The following ZBTB20 variants were observed in gnomAD, a reference collection of about 807,000 sequenced individuals.
The protein encoded by ZBTB20 is zinc finger and BTB domain containing 20.
ZBTB20 carries 9 observed loss-of-function variants against 56.9 expected under a neutral mutation model. The ratio of observed to expected loss-of-function variants is 0.16; its 90% CI spans 0.10 to 0.28. The LOEUF is 0.28. Ranked by LOEUF, ZBTB20 falls within the 10% of genes least tolerant of loss-of-function variation. The probability of loss-of-function intolerance (pLI) is 1.00; values close to 1 mark genes in which losing one functional copy is unlikely to be tolerated. For synonymous variants in ZBTB20, 417 were observed against 420.7 expected, an observed-to-expected ratio of 0.99 and a Z score of 0.11; for missense variants, 655 against 1,003.0, an observed-to-expected ratio of 0.65 and a Z score of 4.69.
Position 114,467,332 on chromosome 3 carries a change from G to A in ZBTB20, c.-255+33020C>T, listed in dbSNP as rs115298229. On this transcript the variant is annotated intron_variant, in intron 7 of 11. Transcript: ENST00000675478. ...TGTCCACAGATTTCAAGAATGCAGT[G>A]AGGAGAGAAAGACAGACAAACTTAC... Among the ~76,000 whole-genome samples, 1,062 of 152,284 alleles carry A rather than the reference G, an allele frequency of 7.0e-3. 15 individuals are homozygous for A. Among genetic ancestry groups the A allele is most frequent in the Middle Eastern group, 0.037 (11 of 294 alleles).
At chr3:115,009,363 T>C (rs563679328) in intron 2 of ZBTB20, among the ~76,000 whole-genome samples, 1 of 152,064 alleles carries the variant, frequency 6.6e-6, no homozygotes, top group East Asian at 2.0e-4. Flanking sequence ...AAAATTTTGC[T>C]TTAACAAAGC....
chr3:114,414,622 T>C (rs886672442), intron 7 of ZBTB20, among the ~76,000 whole-genome samples: 5 of 151,616 alleles, frequency 3.3e-5, no homozygotes, highest in Admixed American at 2.0e-4. Flanking sequence ...CCTTGAAATA[T>C]AATACAAAAT....
intron 5 of ZBTB20, among the ~76,000 whole-genome samples, chr3:114,788,686 AG>A (rs1219259444): frequency 1.3e-5 from 2 of 152,286 alleles, no homozygotes. Flanking sequence ...TTAGGAATAT[AG>A]GACATTTCAT....
At chr3:114,913,678 C>T (rs559140961) in intron 3 of ZBTB20, among the ~76,000 whole-genome samples, 22 of 150,692 alleles carry the variant, frequency 1.5e-4, no homozygotes, top group African/African-American at 5.4e-4. Context: ...GGAAAGTTTC[C>T]TCAGTGTTTT....
chr3:114,550,377 G>C (rs1025230067), intron 6 of ZBTB20, among the ~76,000 whole-genome samples: 1 of 152,148 alleles, frequency 6.6e-6, no homozygotes, highest in African/African-American at 2.4e-5. Flanking sequence ...GGTTGATGAT[G>C]TGCATAGAGT....
At chr3:114,660,408 A>T (rs2060656965) in intron 6 of ZBTB20, among the ~76,000 whole-genome samples, 1 of 152,194 alleles carries the variant, frequency 6.6e-6, no homozygotes, top group African/African-American at 2.4e-5. Context: ...GAAAGACACA[A>T]AAACACAGCA....
intron 3 of ZBTB20, among the ~76,000 whole-genome samples, chr3:114,964,966 T>C (rs2077592313): frequency 6.6e-6 from 1 of 152,146 alleles, no homozygotes; most frequent in Non-Finnish European, 1.5e-5. Context: ...TGCATTTAGA[T>C]CAAAGAATTT....
intron 7 of ZBTB20, among the ~76,000 whole-genome samples, chr3:114,489,447 G>A (rs1449914379): frequency 6.6e-6 from 1 of 151,990 alleles, no homozygotes; most frequent in African/African-American, 2.4e-5. Flanking sequence ...AATTCTGGGG[G>A]CTTTATGTGA....
intron 3 of ZBTB20, among the ~76,000 whole-genome samples, chr3:114,956,121 A>T (rs2077238835): frequency 6.6e-6 from 1 of 152,210 alleles, no homozygotes; most frequent in Admixed American, 6.5e-5. Context: ...TATGCAAAAA[A>T]ATGCTAATCA....
intron 5 of ZBTB20, among the ~76,000 whole-genome samples, chr3:114,789,112 G>C (rs965220350): frequency 1.2e-4 from 19 of 152,020 alleles, no homozygotes; most frequent in African/African-American, 3.9e-4. Flanking sequence ...TTGGTCACAA[G>C]GTCTAATTAA....
chr3:114,913,900 G>A (rs539916906), intron 3 of ZBTB20, among the ~76,000 whole-genome samples: 13 of 152,014 alleles, frequency 8.6e-5, no homozygotes, highest in African/African-American at 2.9e-4. Context: ...GTAAACGTAT[G>A]AATTTGCTTC....
chr3:114,646,614 G>A (rs1010755140), intron 6 of ZBTB20, among the ~76,000 whole-genome samples: 5 of 152,166 alleles, frequency 3.3e-5, no homozygotes, highest in Admixed American at 2.0e-4. Flanking sequence ...TACTGTAAAT[G>A]TAAAGAAAAC....
At chr3:115,106,879 A>T (rs1299003875) in intron 1 of ZBTB20, among the ~76,000 whole-genome samples, 1 of 152,180 alleles carries the variant, frequency 6.6e-6, no homozygotes, top group Non-Finnish European at 1.5e-5. Context: ...CACCTGTAAT[A>T]TATCTGAAGC....
chr3:114,568,455 G>C (rs1208184554), intron 6 of ZBTB20, among the ~76,000 whole-genome samples: 1 of 152,164 alleles, frequency 6.6e-6, no homozygotes, highest in East Asian at 1.9e-4. Context: ...GCTATAAAAT[G>C]CTTAATACAG....
intron 4 of ZBTB20, among the ~76,000 whole-genome samples, chr3:114,871,416 G>C (rs1389211871): frequency 6.6e-6 from 1 of 152,008 alleles, no homozygotes; most frequent in Middle Eastern, 3.4e-3. Context: ...GGTCCTTTTT[G>C]CCTTTTTCTG....
intron 2 of ZBTB20, among the ~76,000 whole-genome samples, chr3:115,009,434 C>A (rs975858885): frequency 3.9e-5 from 6 of 151,926 alleles, no homozygotes; most frequent in Admixed American, 6.6e-5. Flanking sequence ...GCTTTCTCAT[C>A]CCCTTTCAGG....
Position 115,030,281 on chromosome 3 carries a change from T to C in ZBTB20, c.-507+40938A>G, listed in dbSNP as rs970998613. ...CTATTCATCTTTCAAGCATCATTTCTGACATCCCTTTAGACAACAAGAAGT... is the reference window on the plus strand; with the variant it reads ...CTATTCATCTTTCAAGCATCATTTCCGACATCCCTTTAGACAACAAGAAGT... On this transcript the variant is annotated intron_variant, in intron 2 of 11. Coordinates refer to ENST00000675478, the MANE Select transcript of ZBTB20 (RefSeq NM_001348800.3). Among the ~76,000 whole-genome samples, 57 of 151,152 alleles carry C rather than the reference T, an allele frequency of 3.8e-4. 1 individual carries two copies. Among genetic ancestry groups the C allele is most frequent in the African/African-American group, 1.4e-3 (57 of 41,352 alleles).
At chr3:114,515,767 A>G (rs138310341) in intron 6 of ZBTB20, among the ~76,000 whole-genome samples, 40 of 152,312 alleles carry the variant, frequency 2.6e-4, no homozygotes, top group African/African-American at 8.9e-4. Flanking sequence ...GGATCTTATT[A>G]TATCAGTTAC....
intron 6 of ZBTB20, among the ~76,000 whole-genome samples, chr3:114,613,690 T>G (rs940800904): frequency 4.6e-5 from 7 of 152,096 alleles, no homozygotes; most frequent in African/African-American, 1.2e-4. Flanking sequence ...GGGATAATAT[T>G]AAGATCAATC....
Sources: gnomAD v4.1 joint callset for allele counts (sites outside exome capture counted in the v4.1 genomes callset) on GRCh38, gnomAD v4.1.1 for gene constraint, MANE v1.5 for transcripts, NCBI Gene and HGNC (gene_info 2026-07-23, HGNC 2026-07-21) for gene names.